Variants in BMPR1A observed in about 807,000 individuals in gnomAD.
BMPR1A encodes bone morphogenetic protein receptor type-1A.
BMPR1A carries 7 observed loss-of-function variants against 66.0 expected under a neutral mutation model. The observed-to-expected ratio is 0.11, with a 90% CI of 0.06 to 0.20. The LOEUF (loss-of-function observed/expected upper bound fraction) is 0.20, where lower values mean the gene tolerates loss of function less well. BMPR1A is among the 10% of genes least tolerant of loss of function. BMPR1A has a pLI of 1.00. For synonymous variants in BMPR1A, 200 were observed against 229.7 expected, an observed-to-expected ratio of 0.87 and a Z score of 1.17; for missense variants, 408 against 669.1, an observed-to-expected ratio of 0.61 and a Z score of 4.31.
intron 1 of BMPR1A, among the ~76,000 whole-genome samples, chr10:86,775,557 T>C (rs898270315): frequency 1.3e-5 from 2 of 152,164 alleles, no homozygotes; most frequent in African/African-American, 2.4e-5. Context: ...CCTGAGAGAA[T>C]GTATCACTGA....
intron 2 of BMPR1A, among the ~76,000 whole-genome samples, chr10:86,862,373 G>T (rs1001356741): frequency 1.3e-5 from 2 of 152,206 alleles, no homozygotes; most frequent in Non-Finnish European, 2.9e-5. Flanking sequence ...ACTGTGAGCG[G>T]CAGGTGCAAG....
chr10:86,813,092 C>G (rs1284048874), intron 1 of BMPR1A, among the ~76,000 whole-genome samples: 1 of 152,174 alleles, frequency 6.6e-6, no homozygotes, highest in Non-Finnish European at 1.5e-5. Context: ...GGTTCCCTAT[C>G]TTCTCTGAAG....
chr10:86,826,411 A>AACACACAT (rs71477611), intron 1 of BMPR1A, among the ~76,000 whole-genome samples: 1 of 146,998 alleles, frequency 6.8e-6, no homozygotes, highest in African/African-American at 2.5e-5. Context: ...CAATCAAGGA[A>AACACACAT]ACACACACAC....
intron 1 of BMPR1A, among the ~76,000 whole-genome samples, chr10:86,806,121 G>A (rs966572905): frequency 1.3e-5 from 2 of 152,074 alleles, no homozygotes; most frequent in Non-Finnish European, 2.9e-5. Flanking sequence ...ATTAGATTCA[G>A]GTGATGCATC....
chr10:86,830,905 C>A (rs1842259292), intron 1 of BMPR1A, among the ~76,000 whole-genome samples: 1 of 151,956 alleles, frequency 6.6e-6, no homozygotes, highest in South Asian at 2.1e-4. Context: ...ATTCCCCACT[C>A]TCCAGCCCCA....
At chr10:86,764,487 G>T (rs1265884428) in intron 1 of BMPR1A, among the ~76,000 whole-genome samples, 1 of 152,190 alleles carries the variant, frequency 6.6e-6, no homozygotes, top group East Asian at 1.9e-4. Context: ...GCATGTTGAA[G>T]TTGTACGTGT....
At chr10:86,819,143 A>G (rs1842082354) in intron 1 of BMPR1A, among the ~76,000 whole-genome samples, 1 of 146,532 alleles carries the variant, frequency 6.8e-6, no homozygotes, top group Admixed American at 6.9e-5. Context: ...CACATGAAGA[A>G]ATGGCTACTT....
intron 10 of BMPR1A, among the ~76,000 whole-genome samples, chr10:86,919,670 A>AT (rs1202763704): frequency 2.0e-5 from 3 of 150,494 alleles, no homozygotes; most frequent in Non-Finnish European, 3.0e-5. Context: ...ATATATATAT[A>AT]TTTTTTTGGT....
At chr10:86,812,780 A>C (rs1424728828) in intron 1 of BMPR1A, among the ~76,000 whole-genome samples, 1 of 152,110 alleles carries the variant, frequency 6.6e-6, no homozygotes, top group Non-Finnish European at 1.5e-5. Flanking sequence ...CATTGTTTCC[A>C]ATTGATGAAC....
At chr10:86,868,791 T>TC (rs397742839) in intron 2 of BMPR1A, among the ~76,000 whole-genome samples, 1 of 151,716 alleles carries the variant, frequency 6.6e-6, no homozygotes, top group African/African-American at 2.4e-5. Flanking sequence ...TTTTTTTTTT[T>TC]AAGTTCCAAT....
chr10:86,861,414 C>T (rs1350162032), intron 2 of BMPR1A, among the ~76,000 whole-genome samples: 1 of 152,054 alleles, frequency 6.6e-6, no homozygotes, highest in Non-Finnish European at 1.5e-5. Flanking sequence ...ATTTTAACAC[C>T]CTCTGCCCTT....
At chr10:86,760,213 A>T (rs1188981854) in intron 1 of BMPR1A, among the ~76,000 whole-genome samples, 189 of 46,458 alleles carry the variant, frequency 4.1e-3, no homozygotes, top group Middle Eastern at 0.015. Context: ...TTTTTTTAAT[A>T]CCTTATTGTT....
At chr10:86,802,878 G>A (rs1324991818) in intron 1 of BMPR1A, among the ~76,000 whole-genome samples, 4 of 151,852 alleles carry the variant, frequency 2.6e-5, no homozygotes, top group African/African-American at 9.7e-5. Flanking sequence ...GGAGACCTGC[G>A]TGGACAACGT....
intron 1 of BMPR1A, among the ~76,000 whole-genome samples, chr10:86,765,483 C>CAAAAAAA (rs34219531): frequency 2.8e-5 from 2 of 70,654 alleles, no homozygotes; most frequent in Non-Finnish European, 5.5e-5. Flanking sequence ...GACTCTGTCT[C>CAAAAAAA]AAAAAAAAAA....
At chr10:86,920,188 T>C (rs1385751636) in intron 10 of BMPR1A, among the ~76,000 whole-genome samples, 3 of 152,220 alleles carry the variant, frequency 2.0e-5, no homozygotes, top group Non-Finnish European at 4.4e-5. Context: ...TTGATCCTTG[T>C]GCACTTGTAC....
intron 1 of BMPR1A, among the ~76,000 whole-genome samples, chr10:86,829,996 T>C (rs1380281929): frequency 6.6e-6 from 1 of 152,136 alleles, no homozygotes; most frequent in Non-Finnish European, 1.5e-5. Context: ...TCCCTGTAAG[T>C]GTAGGGACCA....
intron 1 of BMPR1A, among the ~76,000 whole-genome samples, chr10:86,767,856 C>T (rs1187881880): frequency 6.6e-6 from 1 of 152,088 alleles, no homozygotes; most frequent in African/African-American, 2.4e-5. Context: ...TCTCTTGTCG[C>T]TGGAGAGAAT....
chr10:86,898,090 AATT>A (rs947067318), intron 5 of BMPR1A, among the ~76,000 whole-genome samples: 7 of 151,594 alleles, frequency 4.6e-5, no homozygotes, highest in African/African-American at 1.7e-4. Context: ...TCTTTTTAAA[AATT>A]ATTATTTTTA....
chr10:86,792,758 C>T (rs1324847857), intron 1 of BMPR1A, among the ~76,000 whole-genome samples: 3 of 152,186 alleles, frequency 2.0e-5, no homozygotes. Context: ...GGAAAATATG[C>T]TGTGAAAATT....
Sources: allele counts gnomAD v4.1 joint callset (sites outside exome capture counted in the v4.1 genomes callset), GRCh38; gene constraint gnomAD v4.1.1; transcripts MANE v1.5; gene names NCBI Gene and HGNC (gene_info 2026-07-23, HGNC 2026-07-21).